DLGAP3: variants seen among roughly 807,000 people sequenced by gnomAD.
The protein encoded by DLGAP3 is disks large-associated protein 3.
DLGAP3 carries 17 observed loss-of-function variants against 81.2 expected under a neutral mutation model. The observed-to-expected ratio is 0.21, with a 90% CI of 0.14 to 0.31. The LOEUF (loss-of-function observed/expected upper bound fraction) is 0.31, where lower values mean the gene tolerates loss of function less well. Among genes scored for constraint, DLGAP3 ranks in the 10% least tolerant of loss-of-function variants. The probability of loss-of-function intolerance (pLI) is 1.00; values close to 1 mark genes in which losing one functional copy is unlikely to be tolerated. For synonymous variants in DLGAP3, 577 were observed against 587.4 expected, an observed-to-expected ratio of 0.98 and a Z score of 0.26; for missense variants, 1,124 against 1,388.0, an observed-to-expected ratio of 0.81 and a Z score of 3.02.
At chr1:34,923,382 G>A (rs1639823775) in intron 1 of DLGAP3, among the ~76,000 whole-genome samples, 1 of 152,284 alleles carries the variant, frequency 6.6e-6, no homozygotes, top group East Asian at 1.9e-4. Context: ...AAAATGTAAA[G>A]GTGGTGACCT....
chr1:34,900,029 C>A lies in DLGAP3; in HGVS notation c.1313+39G>T. On this transcript the variant is annotated intron_variant, in intron 4 of 11. Coordinates refer to ENST00000373347, the MANE Select transcript of DLGAP3 (RefSeq NM_001080418.3). The surrounding 1 kb of genome is among the most constrained non-coding windows in gnomAD (Gnocchi z 5.6). ...ATCTCCCGCAGGAGTCCAGCATCAG[C>A]CTCCTGACCCCGCACCCCCCGGCCC... 6.4e-7 allele frequency: 1 copy of A among 1,554,582 alleles called. No individual in the cohort carries two copies. The highest frequency in any genetic ancestry group is 1.7e-5 in the Admixed American group (1 of 59,298).
chr1:34,866,016 T>G lies in DLGAP3; in HGVS notation c.*67A>C. 7.1e-7 allele frequency: 1 copy of G among 1,404,718 alleles called. No homozygotes were observed. Among genetic ancestry groups the G allele is most frequent in the Non-Finnish European group, 9.7e-7 (1 of 1,029,416 alleles). The allele number at this position is 1,404,718 out of a possible 1,614,324, so 87.0% of individuals were successfully genotyped here. A position where few individuals can be genotyped will look rare whatever the true frequency, so the allele number is the denominator to read the frequency against. On this transcript the variant is annotated 3_prime_UTR_variant, in exon 12 of 12. Coordinates refer to ENST00000373347, the MANE Select transcript of DLGAP3 (RefSeq NM_001080418.3). ...GGGGCGGCCCGCGTTCACAGTGACC[T>G]CGACGCTGGGTGTACAGTACGGGTG...
intron 8 of DLGAP3, among the ~76,000 whole-genome samples, chr1:34,882,659 C>T (rs1639163556): frequency 6.6e-6 from 1 of 152,252 alleles, no homozygotes; most frequent in African/African-American, 2.4e-5. Context: ...TTCTCGTTTC[C>T]ACTATTGCTT....
rs965271752 is a variant in DLGAP3, at chr1:34,925,184, C to A, written c.-135+4267G>T. ...CCCATCCACCGGGGGCACCTGACAA[C>A]CCCCCCCCCACCTTCCCTCTATGTC... is the stretch of plus-strand genomic sequence containing the variant. On this transcript the variant is annotated intron_variant, in intron 1 of 11. Transcript: ENST00000373347. Among the ~76,000 whole-genome samples, 24 of 79,962 alleles carry A rather than the reference C, an allele frequency of 3.0e-4. No individual in the cohort carries two copies. The African/African-American group carries it at 3.6e-3, about 12-fold the overall frequency. The allele number at this position is 79,962 out of a possible 152,430, so 52.5% of individuals were successfully genotyped here.
chr1:34,900,360 C>A lies in DLGAP3; in HGVS notation c.1108-87G>T. 1 of 1,405,132 alleles carries A rather than the reference C, an allele frequency of 7.1e-7. No homozygotes were observed. The highest frequency in any genetic ancestry group is 1.0e-6 in the Non-Finnish European group (1 of 999,918). The allele number at this position is 1,405,132 out of a possible 1,614,324, so 87.0% of individuals were successfully genotyped here. ...CTTTCCCCACTGCCAGTGGGAGATG[C>A]CCTGCCCTGGCTTGAACAGGCACAC... On this transcript the variant is annotated intron_variant, in intron 3 of 11. Transcript: ENST00000373347. The surrounding 1 kb of genome is among the most constrained non-coding windows in gnomAD (Gnocchi z 5.6).
At position 34,905,578 on chromosome 1, in the gene DLGAP3, A is replaced by G. The variant is rs1025627937; in HGVS notation, c.-51-144T>C. 6 of 644,610 alleles carry G rather than the reference A, an allele frequency of 9.3e-6. No individual in the cohort carries two copies. In the African/African-American group the frequency reaches 1.1e-4, roughly 12 times the overall value. The allele number at this position is 644,610 out of a possible 1,614,324, so 39.9% of individuals were successfully genotyped here. A position where few individuals can be genotyped will look rare whatever the true frequency, so the allele number is the denominator to read the frequency against. ...ACACTACCCTCCCACAAATGGACTA[A>G]AAAGTCCTTTAAATGGTCATAATAG... On this transcript the variant is annotated intron_variant, in intron 2 of 11. Transcript: ENST00000373347.
At chr1:34,920,939 GAATGACAATGGGCTATTC>G (rs1447375243) in intron 1 of DLGAP3, among the ~76,000 whole-genome samples, 17 of 152,222 alleles carry the variant, frequency 1.1e-4, no homozygotes, top group Non-Finnish European at 2.4e-4. Flanking sequence ...TGAGGAGATA[GAATGACAATGGGCTATTC>G]AAGATAGACT....
chr1:34,883,758 T>C (rs1239510748), intron 8 of DLGAP3, among the ~76,000 whole-genome samples: 1 of 150,734 alleles, frequency 6.6e-6, no homozygotes, highest in Admixed American at 6.6e-5. Flanking sequence ...AATCAGAAGT[T>C]GAGAAAAATG....
chr1:34,865,608 A>G lies in DLGAP3; in HGVS notation c.*475T>C. The G allele has an allele frequency of 4.2e-6, 1 of 240,680 alleles. No homozygotes were observed. The highest frequency in any genetic ancestry group is 4.0e-5 in the South Asian group (1 of 25,038). The allele number at this position is 240,680 out of a possible 1,614,324, so 14.9% of individuals were successfully genotyped here. ...ACTGTGGTCCCTGGGCCCAGTGGGC[A>G]GAGGGCTGAGGATGGAGCCCCTGGG... On this transcript the variant is annotated 3_prime_UTR_variant, in exon 12 of 12. Coordinates refer to ENST00000373347, the MANE Select transcript of DLGAP3 (RefSeq NM_001080418.3).
chr1:34,866,076 G>A lies in DLGAP3; in HGVS notation c.*7C>T. The stretch of plus-strand genomic sequence containing the variant: ...GGGCCCGGGCCGGGCTGGGCGGGCC[G>A]GACCGGTCACAGCCTGGTCTGGGCC... On this transcript the variant is annotated 3_prime_UTR_variant, in exon 12 of 12. Transcript: ENST00000373347. 6.3e-7 allele frequency: 1 copy of A among 1,593,296 alleles called. No individual in the cohort carries two copies. Among genetic ancestry groups the A allele is most frequent in the Non-Finnish European group, 8.5e-7 (1 of 1,175,890 alleles).
At chr1:34,920,660 T>C (rs193095851) in intron 1 of DLGAP3, among the ~76,000 whole-genome samples, 16 of 152,296 alleles carry the variant, frequency 1.1e-4, no homozygotes, top group Admixed American at 1.0e-3. Context: ...CTAACTGGTC[T>C]CCCTGCCTTG....
Position 34,899,750 on chromosome 1 carries a change from G to T in DLGAP3, c.1314-9C>A, listed in dbSNP as rs1639426871. On this transcript the variant is annotated splice_polypyrimidine_tract_variant and intron_variant, in intron 4 of 11. Coordinates refer to ENST00000373347, the MANE Select transcript of DLGAP3 (RefSeq NM_001080418.3). Reference sequence around the variant, plus strand: ...GGGGTGGGACACAGCAGCTGGAAAAGGGCAAAATTCCGGAGTCAGAACAGT... The same window carrying T: ...GGGGTGGGACACAGCAGCTGGAAAATGGCAAAATTCCGGAGTCAGAACAGT... 1.2e-6 allele frequency: 2 copies of T among 1,613,652 alleles called. No individual in the cohort carries two copies. The highest frequency in any genetic ancestry group is 3.3e-5 in the Admixed American group (2 of 60,014).
Position 34,867,421 on chromosome 1 carries a change from G to A in DLGAP3, c.2577+115C>T, listed in dbSNP as rs1262565794. On this transcript the variant is annotated intron_variant, in intron 10 of 11. Transcript: ENST00000373347. This position sits in a 1 kb window ranked among gnomAD's most constrained non-coding sequence, Gnocchi z 4.3. ...CACAGCTACCCCAGAAGGCATGCAGGCCTGGTCTCACCTCTGGTACACACT... is the reference window on the plus strand; with the variant it reads ...CACAGCTACCCCAGAAGGCATGCAGACCTGGTCTCACCTCTGGTACACACT... 4.6e-6 allele frequency: 5 copies of A among 1,087,156 alleles called. No individual in the cohort carries two copies. In the Admixed American group the frequency reaches 5.1e-5, roughly 11 times the overall value. 67.3% of individuals were successfully genotyped at this position (1,087,156 alleles called of 1,614,324 possible).
rs2148424179 is a variant in DLGAP3, at chr1:34,929,582, T to C, written c.-266A>G. The C allele has an allele frequency of 1.3e-5, 2 of 149,928 alleles. No individual in the cohort carries two copies. Among genetic ancestry groups the C allele is most frequent in the Middle Eastern group, 6.9e-3 (2 of 290 alleles). 9.3% of individuals were successfully genotyped at this position (149,928 alleles called of 1,614,324 possible). On this transcript the variant is annotated 5_prime_UTR_variant, in exon 1 of 12. Coordinates refer to ENST00000373347, the MANE Select transcript of DLGAP3 (RefSeq NM_001080418.3). This position sits in a 1 kb window ranked among gnomAD's most constrained non-coding sequence, Gnocchi z 6.5. ...CCCCCAGCTGAGGGGCCGCGCCGGCTGCGGAGCCCCAAGCGAGCGCCGAGC... is the reference window on the plus strand; with the variant it reads ...CCCCCAGCTGAGGGGCCGCGCCGGCCGCGGAGCCCCAAGCGAGCGCCGAGC...
In DLGAP3 at chr1:34,904,940, T is replaced by C; in HGVS notation, c.444A>G (p.Ala148=). Residue 148 remains alanine (A), a synonymous_variant, in exon 3 of 12, where the codon GCA becomes GCG. Transcript: ENST00000373347. The surrounding 1 kb of genome is among the most constrained non-coding windows in gnomAD (Gnocchi z 8.1). ...CCGTCCCTGGCGCTGGCCCGGGCCC[T>C]GCCCCTGCTGGCCCTCGCTGGTATG... ...TLPYQRGPAG[A]GPGPAPGTGT... is the part of the protein sequence containing the mutation. The C allele has an allele frequency of 6.2e-7, 1 of 1,612,650 alleles. No homozygotes were observed. Among genetic ancestry groups the C allele is most frequent in the Non-Finnish European group, 8.5e-7 (1 of 1,179,760 alleles).
At chr1:34,908,767 C>T (rs1639595852) in intron 1 of DLGAP3, among the ~76,000 whole-genome samples, 1 of 152,184 alleles carries the variant, frequency 6.6e-6, no homozygotes, top group African/African-American at 2.4e-5. Context: ...TACCCAGCCC[C>T]TGGCCCACCC....
chr1:34,923,250 T>C (rs1486957501), intron 1 of DLGAP3, among the ~76,000 whole-genome samples: 1 of 152,106 alleles, frequency 6.6e-6, no homozygotes, highest in Non-Finnish European at 1.5e-5. Flanking sequence ...AAATTAACTG[T>C]GGGTGCTAAA....
chr1:34,915,667 C>G (rs1010158051), intron 1 of DLGAP3, among the ~76,000 whole-genome samples: 27 of 152,308 alleles, frequency 1.8e-4, no homozygotes, highest in African/African-American at 6.5e-4. Context: ...CGAAGGCTGG[C>G]TGGTTGGCTG....
At chr1:34,886,929 C>A (rs991329635) in intron 5 of DLGAP3, among the ~76,000 whole-genome samples, 1 of 147,374 alleles carries the variant, frequency 6.8e-6, no homozygotes, top group Non-Finnish European at 1.5e-5. Context: ...GTGTCCCAAG[C>A]CTTCCCCCAC....
Sources: gnomAD v4.1 joint callset for allele counts (sites outside exome capture counted in the v4.1 genomes callset) on GRCh38, gnomAD v4.1.1 for gene constraint, Gnocchi (gnomAD v3.1) non-coding constraint, MANE v1.5 for transcripts, NCBI Gene and HGNC (gene_info 2026-07-23, HGNC 2026-07-21) for gene names.